WBP2NL: variants seen among roughly 807,000 people sequenced by gnomAD.
The protein encoded by WBP2NL is WBP2 N-terminal like, also known as postacrosomal sheath WW domain-binding protein.
WBP2NL carries 27 observed loss-of-function variants against 23.3 expected under a neutral mutation model. The observed-to-expected ratio is 1.16, with a 90% CI of 0.85 to 1.60. The LOEUF (loss-of-function observed/expected upper bound fraction) is 1.60, where lower values mean the gene tolerates loss of function less well. Among genes scored for constraint, WBP2NL ranks in the 40% most tolerant of loss-of-function variants. The pLI is 0.00. For missense variants in WBP2NL, 370 were observed against 389.5 expected (o/e 0.95, Z 0.42); for synonymous variants, 151 against 145.9 (o/e 1.03, Z -0.25).
chr22:42,019,439 T>A lies in WBP2NL; in HGVS notation c.171+20T>A, dbSNP rs767912749. On this transcript the variant is annotated intron_variant, in intron 2 of 5. Transcript: ENST00000328823. ...TACCGGGTAATTTCTACTTCTACTT[T>A]AATCTGCTGATTAACTCTACATTTG... is the stretch of plus-strand genomic sequence containing the variant. 6.2e-7 allele frequency: 1 copy of A among 1,602,674 alleles called. No individual in the cohort carries two copies. The highest frequency in any genetic ancestry group is 1.7e-5 in the Admixed American group (1 of 58,760).
intron 1 of WBP2NL, among the ~76,000 whole-genome samples, chr22:42,005,159 A>G (rs564448348): frequency 1.3e-4 from 19 of 143,644 alleles, no homozygotes; most frequent in East Asian, 4.2e-4. Flanking sequence ...GGAGGTTGCA[A>G]TGAGCCAAGA....
downstream of WBP2NL, among the ~76,000 whole-genome samples, chr22:42,033,229 C>G (rs180916198): frequency 7.0e-4 from 106 of 152,332 alleles, no homozygotes; most frequent in East Asian, 5.8e-3. Context: ...CACGAGGCTG[C>G]AGCTGGACCA....
At position 42,019,326 on chromosome 22, in the gene WBP2NL, T is replaced by C; in HGVS notation, c.78T>C (p.Ser26=). The change falls in exon 2 of 6, where the codon TCT becomes TCC. Residue 26 remains serine, a synonymous_variant. Transcript: ENST00000328823. The stretch of plus-strand genomic sequence containing the variant: ...TTTTCTACAGTCTCTTGAAGCGGTC[T>C]CCGAATGTGGAGCTCTCCTTCCCAC... ...IPNGESLLKR[S]PNVELSFPQR... 6.2e-7 allele frequency: 1 copy of C among 1,614,062 alleles called. No homozygotes were observed. The highest frequency in any genetic ancestry group is 8.5e-7 in the Non-Finnish European group (1 of 1,180,002).
intron 5 of WBP2NL, 104 bp downstream of exon 5, chr22:42,022,460 C>T (rs763621389): frequency 1.1e-5 from 11 of 1,038,582 alleles, no homozygotes; most frequent in Non-Finnish European, 1.5e-5. Context: ...AGCAGCAGAG[C>T]TTTAGGGGCT....
At chr22:42,001,643 A>T (rs985691883) in intron 1 of WBP2NL, 2 of 1,167,498 alleles carry the variant, frequency 1.7e-6, no homozygotes, top group African/African-American at 3.0e-5. Context: ...GTAGCGCCAA[A>T]ACTGGGATCT....
At chr22:42,034,747 C>T (rs955478129), downstream of WBP2NL, among the ~76,000 whole-genome samples, 2 of 152,124 alleles carry the variant, frequency 1.3e-5, no homozygotes, top group East Asian at 1.9e-4. Context: ...CCCCTAGGTG[C>T]GCATTCTCTT....
At chr22:42,044,424 A>G (rs554131419) in intron 8 of WBP2NL, among the ~76,000 whole-genome samples, 2 of 152,294 alleles carry the variant, frequency 1.3e-5, no homozygotes, top group Admixed American at 1.3e-4. Context: ...CATGAGTTTC[A>G]GAGGGGACAA....
chr22:42,052,734 C>T (rs935892429), intron 8 of WBP2NL, among the ~76,000 whole-genome samples: 2 of 152,230 alleles, frequency 1.3e-5, no homozygotes, highest in Non-Finnish European at 2.9e-5. Flanking sequence ...GGCAGCCCCT[C>T]CCAATGGTCA....
chr22:42,040,562 T>C (rs1925365472), intron 8 of WBP2NL, among the ~76,000 whole-genome samples: 1 of 152,248 alleles, frequency 6.6e-6, no homozygotes. Flanking sequence ...TGTTTAATGC[T>C]ATACATTTCC....
chr22:42,002,492 G>A (rs895198518), intron 1 of WBP2NL, among the ~76,000 whole-genome samples: 18 of 152,136 alleles, frequency 1.2e-4, no homozygotes, highest in African/African-American at 4.1e-4. Flanking sequence ...GCTGAGGCAC[G>A]AGAATTGCTT....
intron 1 of WBP2NL, among the ~76,000 whole-genome samples, chr22:42,008,230 A>G (rs1165782862): frequency 3.0e-5 from 3 of 100,898 alleles, no homozygotes; most frequent in Non-Finnish European, 5.4e-5. Context: ...CCTTTTTTTG[A>G]CAGAGTCTCA....
chr22:42,000,363 G>A (rs1921508925), intron 1 of WBP2NL, among the ~76,000 whole-genome samples: 1 of 152,154 alleles, frequency 6.6e-6, no homozygotes, highest in Non-Finnish European at 1.5e-5. Context: ...TGGTGTCCCC[G>A]TGAGCACTTA....
At chr22:42,044,455 A>C (rs1925508685) in intron 8 of WBP2NL, among the ~76,000 whole-genome samples, 1 of 152,234 alleles carries the variant, frequency 6.6e-6, no homozygotes. Flanking sequence ...CATAGCAGGA[A>C]TTAATAGAGA....
rs1161784270 is a variant in WBP2NL, at chr22:42,020,908, A to ATT, written c.406+840_406+841dup. On this transcript the variant is annotated intron_variant, in intron 4 of 5. Transcript: ENST00000328823. ...TATATATATATATATATATATATAT[A>ATT]TTTTTTTTTTTTTTTTTTTTTTTTT... 3.7e-3 allele frequency among the ~76,000 whole-genome samples: 42 copies of ATT among 11,232 alleles called. 15 individuals carry two copies. The highest frequency in any genetic ancestry group is 5.0e-3 in the African/African-American group (10 of 2,004). 7.4% of individuals were successfully genotyped at this position (11,232 alleles called of 152,430 possible). A position where few individuals can be genotyped will look rare whatever the true frequency, so the allele number is the denominator to read the frequency against.
rs139048851 is a variant in WBP2NL at position 42,048,862 on chromosome 22, C to T, written c.*274-9428C>T. Among the ~76,000 whole-genome samples the T allele has an allele frequency of 8.9e-3, 1,350 of 152,066 alleles. 8 individuals carry two copies. The highest frequency in any genetic ancestry group is 0.012 in the Non-Finnish European group (802 of 67,996). On this transcript the variant is annotated intron_variant and NMD_transcript_variant, in intron 8 of 8. Transcript: ENST00000436265. ...CATTGTCCAAAAACTAAAAACCCTA[C>T]AGGTGACATAAAACTCTGTGGTGGC...
chr22:42,007,400 T>G (rs1296420497), intron 1 of WBP2NL, among the ~76,000 whole-genome samples: 2 of 152,220 alleles, frequency 1.3e-5, no homozygotes, highest in African/African-American at 4.8e-5. Context: ...ATAAAAATCA[T>G]TGTTCAAAAT....
intron 1 of WBP2NL, among the ~76,000 whole-genome samples, chr22:42,010,301 A>G: frequency 6.6e-6 from 1 of 151,948 alleles, no homozygotes; most frequent in East Asian, 1.9e-4. Context: ...TATTTATTTT[A>G]TTTTTTGCCT....
At chr22:42,020,852 ATGTG>A (rs59473793) in intron 4 of WBP2NL, among the ~76,000 whole-genome samples, 2,419 of 19,454 alleles carry the variant, frequency 0.12, 389 homozygotes, top group East Asian at 0.19. Context: ...TATCTCATAT[ATGTG>A]TGTGTGTGTG....
At chr22:42,022,878 G>T (rs973516031) in intron 5 of WBP2NL, among the ~76,000 whole-genome samples, 1 of 152,156 alleles carries the variant, frequency 6.6e-6, no homozygotes, top group African/African-American at 2.4e-5. Flanking sequence ...AAAAATATGG[G>T]ACTTTTCTTG....
Sources: allele counts gnomAD v4.1 joint callset (sites outside exome capture counted in the v4.1 genomes callset), GRCh38; gene constraint gnomAD v4.1.1; transcripts MANE v1.5; gene names NCBI Gene and HGNC (gene_info 2026-07-23, HGNC 2026-07-21).